LRRC72: variants seen among roughly 807,000 people sequenced by gnomAD.
LRRC72 encodes leucine rich repeat containing 72.
In LRRC72, 41 loss-of-function variants were observed where a neutral mutation model predicts 35.8. That is an observed-to-expected ratio of 1.15 (90% CI 0.89 to 1.49). The LOEUF (loss-of-function observed/expected upper bound fraction) is 1.49, where lower values mean the gene tolerates loss of function less well. Among genes scored for constraint, LRRC72 ranks in the 40% most tolerant of loss-of-function variants. The pLI is 0.00. For missense variants in LRRC72, 389 were observed against 330.7 expected, an observed-to-expected ratio of 1.18 and a Z score of -1.37; for synonymous variants, 118 against 119.2, an observed-to-expected ratio of 0.99 and a Z score of 0.07.
chr7:16,527,474 A>ATGTGGG, intron 1 of LRRC72, among the ~76,000 whole-genome samples: 1 of 151,326 alleles, frequency 6.6e-6, no homozygotes, highest in East Asian at 2.0e-4. Flanking sequence ...GTGTGTGTGG[A>ATGTGGG]TGTGGGTGTG....
At chr7:16,566,537 G>T in intron 6 of LRRC72, 135 bp downstream of exon 6, 2 of 528,592 alleles carry the variant, frequency 3.8e-6, no homozygotes, top group Non-Finnish European at 6.2e-6. Flanking sequence ...TTTAATGGAA[G>T]TTTTTCAATT....
rs977038323 is a variant in LRRC72 at position 16,563,945 on chromosome 7, G to C, written c.428-2368G>C. Among the ~76,000 whole-genome samples the C allele has an allele frequency of 2.6e-5, 4 of 152,178 alleles. No homozygotes were observed. In the South Asian group the frequency reaches 8.3e-4, roughly 31 times the overall value. On this transcript the variant is annotated intron_variant, in intron 5 of 8. Coordinates refer to ENST00000401542, the MANE Select transcript of LRRC72 (RefSeq NM_001195280.2). ...TATGTTGCTAATAAGTAATGTAACA[G>C]TAGTAAATCCAAGTTTGGTGTTTTA...
At chr7:16,581,202 G>T (rs2128339712) in intron 8 of LRRC72, 122 bp from the exon 9 acceptor site, 1 of 732,220 alleles carries the variant, frequency 1.4e-6, no homozygotes, top group Non-Finnish European at 2.0e-6. Context: ...ATTTGTTAGT[G>T]GTACTATACT....
At chr7:16,563,372 A>G (rs1348372807) in intron 5 of LRRC72, among the ~76,000 whole-genome samples, 1 of 152,038 alleles carries the variant, frequency 6.6e-6, no homozygotes, top group Admixed American at 6.6e-5. Context: ...AGACATTTTG[A>G]TATATCATTG....
Position 16,567,487 on chromosome 7 carries a change from C to A in LRRC72, c.614C>A (p.Ala205Asp), listed in dbSNP as rs574491014. Residue 205 changes from alanine (A) to aspartate (D), a missense_variant, in exon 7 of 9, where the codon GCT (alanine) becomes GAT (aspartate). Ala to Asp is a moderately radical substitution (Grantham distance 126). Transcript: ENST00000401542. ...ATAGCATTCGGAGGAAAAGTGGATGCTTCATGGGATCCTAAATCACCATTT... is the reference window on the plus strand; with the variant it reads ...ATAGCATTCGGAGGAAAAGTGGATGATTCATGGGATCCTAAATCACCATTT... ...QSIAFGGKVD[A>D]SWDPKSPFKQ... The A allele has an allele frequency of 2.6e-6, 4 of 1,523,274 alleles. No individual in the cohort carries two copies. In the African/African-American group the frequency reaches 5.6e-5, roughly 21 times the overall value. 94.4% of individuals were successfully genotyped at this position (1,523,274 alleles called of 1,614,324 possible).
intron 1 of LRRC72, 40 bp from the exon 2 acceptor site, chr7:16,532,455 C>T (rs1439029782): frequency 1.2e-5 from 17 of 1,462,004 alleles, no homozygotes; most frequent in Non-Finnish European, 1.4e-5. Flanking sequence ...CACTTTTGTT[C>T]ATTGGAATGT....
At chr7:16,574,330 C>T (rs368983540) in intron 7 of LRRC72, among the ~76,000 whole-genome samples, 18 of 152,316 alleles carry the variant, frequency 1.2e-4, no homozygotes, top group African/African-American at 3.8e-4. Flanking sequence ...AATCATTCTA[C>T]TATAAAGACA....
chr7:16,559,555 T>C (rs893760790), intron 5 of LRRC72, among the ~76,000 whole-genome samples: 2 of 152,184 alleles, frequency 1.3e-5, no homozygotes, highest in Non-Finnish European at 2.9e-5. Flanking sequence ...ATTTACATGT[T>C]TAAATTTGTT....
chr7:16,536,654 AAG>A (rs1782263756), intron 2 of LRRC72, among the ~76,000 whole-genome samples: 2 of 152,148 alleles, frequency 1.3e-5, no homozygotes, highest in Non-Finnish European at 2.9e-5. Context: ...TGGCAAAAAA[AAG>A]GTTTATTTTG....
At position 16,527,048 on chromosome 7, in the gene LRRC72, C is replaced by G; in HGVS notation, c.90+6C>G. 1 of 1,536,972 alleles carries G rather than the reference C, an allele frequency of 6.5e-7. No individual in the cohort carries two copies. Among genetic ancestry groups the G allele is most frequent in the Non-Finnish European group, 8.7e-7 (1 of 1,146,458 alleles). ...CCCTACAGAGCAGTCGCCGGGTAAG[C>G]GGCACCTGCCTTCCCAAGCCATCAG... On this transcript the variant is annotated splice_donor_region_variant and intron_variant, in intron 1 of 8. Transcript: ENST00000401542.
intron 8 of LRRC72, among the ~76,000 whole-genome samples, chr7:16,580,669 C>A (rs1783127071): frequency 6.6e-6 from 1 of 151,974 alleles, no homozygotes; most frequent in Non-Finnish European, 1.5e-5. Context: ...AAAAAATAAA[C>A]CTTAACTATT....
intron 5 of LRRC72, among the ~76,000 whole-genome samples, chr7:16,561,842 C>T (rs979979033): frequency 2.6e-5 from 4 of 152,152 alleles, no homozygotes; most frequent in African/African-American, 9.6e-5. Flanking sequence ...TTTCTATGAG[C>T]CTCATTTGCA....
chr7:16,555,609 C>T (rs868819764), intron 3 of LRRC72, among the ~76,000 whole-genome samples: 16 of 152,024 alleles, frequency 1.1e-4, no homozygotes, highest in African/African-American at 3.9e-4. Context: ...CCCATCTCTA[C>T]TAAAAATAAA....
intron 3 of LRRC72, among the ~76,000 whole-genome samples, chr7:16,546,029 ATT>A (rs10602031): frequency 0.019 from 2,846 of 152,262 alleles, 63 homozygotes; most frequent in African/African-American, 0.046. Context: ...AAATGAATGC[ATT>A]GTTTTAATTT....
chr7:16,557,538 C>T (rs564515016), intron 4 of LRRC72, 97 bp downstream of exon 4: 51 of 387,128 alleles, frequency 1.3e-4, no homozygotes, highest in African/African-American at 8.5e-4. Flanking sequence ...TCTGTTTTAA[C>T]ATTTCTGTTG....
At chr7:16,535,344 A>G (rs1352544057) in intron 2 of LRRC72, among the ~76,000 whole-genome samples, 1 of 152,212 alleles carries the variant, frequency 6.6e-6, no homozygotes, top group Non-Finnish European at 1.5e-5. Flanking sequence ...GTGATAAAGG[A>G]TTAAGTAAAA....
chr7:16,577,805 G>T (rs974226636), intron 7 of LRRC72, among the ~76,000 whole-genome samples: 2 of 152,208 alleles, frequency 1.3e-5, no homozygotes, highest in East Asian at 3.9e-4. Context: ...CTTCACTAAC[G>T]ATCAAATAAA....
chr7:16,568,445 GAGAA>G (rs1259624739), intron 7 of LRRC72, among the ~76,000 whole-genome samples: 1 of 152,150 alleles, frequency 6.6e-6, no homozygotes, highest in Non-Finnish European at 1.5e-5. Context: ...ATGCTAAATG[GAGAA>G]AGAAAGCAAT....
intron 7 of LRRC72, among the ~76,000 whole-genome samples, chr7:16,567,808 C>G (rs1782876271): frequency 1.3e-5 from 2 of 152,028 alleles, no homozygotes; most frequent in African/African-American, 2.4e-5. Flanking sequence ...GCCTCTATCC[C>G]AGTACCTAAC....
Sources: allele counts gnomAD v4.1 joint callset (sites outside exome capture counted in the v4.1 genomes callset), GRCh38; gene constraint gnomAD v4.1.1; transcripts MANE v1.5; gene names NCBI Gene and HGNC (gene_info 2026-07-23, HGNC 2026-07-21).